DSCAM: variants seen among roughly 807,000 people sequenced by gnomAD.
DSCAM encodes DS cell adhesion molecule.
DSCAM carries 47 observed loss-of-function variants against 217.7 expected under a neutral mutation model. The observed-to-expected ratio is 0.22, with a 90% confidence interval of 0.17 to 0.28. The LOEUF (loss-of-function observed/expected upper bound fraction) is 0.28, where lower values mean the gene tolerates loss of function less well. DSCAM is among the 10% of genes least tolerant of loss of function. The pLI is 1.00. For missense variants in DSCAM, 2,080 were observed against 2,618.3 expected, an observed-to-expected ratio of 0.79 and a Z score of 4.49; for synonymous variants, 1,056 against 1,015.3, an observed-to-expected ratio of 1.04 and a Z score of -0.76.
intron 20 of DSCAM, among the ~76,000 whole-genome samples, chr21:40,121,679 G>GTTTTTT (rs1568951642): frequency 1.8e-4 from 14 of 76,696 alleles, no homozygotes; most frequent in Admixed American, 2.5e-4. Flanking sequence ...TCTCATTACT[G>GTTTTTT]TCTTTTTTTT....
intron 1 of DSCAM, among the ~76,000 whole-genome samples, chr21:40,724,650 A>C (rs2090935664): frequency 6.6e-6 from 1 of 152,254 alleles, no homozygotes; most frequent in Non-Finnish European, 1.5e-5. Context: ...TGATTAAAGA[A>C]GAAAATGAAT....
At chr21:40,566,193 C>T (rs1038513283) in intron 3 of DSCAM, among the ~76,000 whole-genome samples, 2 of 152,004 alleles carry the variant, frequency 1.3e-5, no homozygotes, top group African/African-American at 4.8e-5. Context: ...AGGGCAGAAG[C>T]TTTGGCACTG....
At chr21:40,195,132 C>T (rs1328655893) in intron 11 of DSCAM, among the ~76,000 whole-genome samples, 1 of 152,054 alleles carries the variant, frequency 6.6e-6, no homozygotes, top group African/African-American at 2.4e-5. Context: ...TACGTTTTGA[C>T]AAGTAATTCA....
rs201205635 is a variant in DSCAM, at chr21:40,037,378, A to C, written c.5686+4993T>G. The stretch of plus-strand genomic sequence containing the variant: ...GCATTCTTATACACCAATAACAGAC[A>C]AACAGAGAGCCAAATCATGAGTGAA... On this transcript the variant is annotated intron_variant, in intron 32 of 32. Coordinates refer to ENST00000400454, the MANE Select transcript of DSCAM (RefSeq NM_001389.5). 2.4e-3 allele frequency among the ~76,000 whole-genome samples: 347 copies of C among 144,814 alleles called. 3 individuals carry two copies. Among genetic ancestry groups the C allele is most frequent in the East Asian group, 0.022 (108 of 5,016 alleles).
intron 1 of DSCAM, among the ~76,000 whole-genome samples, chr21:40,719,786 G>C (rs2090881936): frequency 6.6e-6 from 1 of 152,118 alleles, no homozygotes; most frequent in African/African-American, 2.4e-5. Context: ...GTTTGCCCGT[G>C]GGGGTGGGGT....
At chr21:40,558,032 T>C (rs896612841) in intron 3 of DSCAM, among the ~76,000 whole-genome samples, 60 of 132,230 alleles carry the variant, frequency 4.5e-4, no homozygotes, top group African/African-American at 1.2e-3. Context: ...AAAGACCTTG[T>C]ATATTTGCAT....
chr21:40,785,235 A>C (rs1673098503), intron 1 of DSCAM, among the ~76,000 whole-genome samples: 1 of 152,212 alleles, frequency 6.6e-6, no homozygotes, highest in Non-Finnish European at 1.5e-5. Flanking sequence ...TCATTTGAGG[A>C]CCTCCTCAGT....
chr21:40,188,911 G>T, intron 12 of DSCAM, 131 bp downstream of exon 12: 1 of 887,070 alleles, frequency 1.1e-6, no homozygotes, highest in Non-Finnish European at 1.8e-6. Context: ...TGTGAAAGGG[G>T]AGAGAAATAG....
chr21:40,057,256 C>G (rs1469821990), intron 28 of DSCAM, among the ~76,000 whole-genome samples: 1 of 152,158 alleles, frequency 6.6e-6, no homozygotes, highest in Non-Finnish European at 1.5e-5. Context: ...TCTCCAAGCT[C>G]TTTCAAATTA....
At chr21:40,845,310 C>A (rs1270089560) in intron 1 of DSCAM, among the ~76,000 whole-genome samples, 1 of 152,134 alleles carries the variant, frequency 6.6e-6, no homozygotes, top group African/African-American at 2.4e-5. Context: ...TTTTCTTAGT[C>A]ACCGTTTTTT....
intron 3 of DSCAM, among the ~76,000 whole-genome samples, chr21:40,688,387 T>C (rs747661524): frequency 6.6e-6 from 1 of 152,172 alleles, no homozygotes; most frequent in African/African-American, 2.4e-5. Flanking sequence ...GCCGGTGTTA[T>C]TGTTTTTTTC....
At chr21:40,644,173 AG>A (rs1456929013) in intron 3 of DSCAM, among the ~76,000 whole-genome samples, 2 of 152,232 alleles carry the variant, frequency 1.3e-5, no homozygotes, top group African/African-American at 4.8e-5. Context: ...AGCACACAGC[AG>A]GTGCTTAATA....
At chr21:40,462,535 T>C (rs1458651280) in intron 3 of DSCAM, among the ~76,000 whole-genome samples, 1 of 152,026 alleles carries the variant, frequency 6.6e-6, no homozygotes, top group Non-Finnish European at 1.5e-5. Flanking sequence ...CACATCTTTG[T>C]TGCACCCAAG....
chr21:40,480,677 C>A (rs956649651), intron 3 of DSCAM, among the ~76,000 whole-genome samples: 1 of 152,124 alleles, frequency 6.6e-6, no homozygotes, highest in Non-Finnish European at 1.5e-5. Context: ...GAATGTAAGG[C>A]CTCGTGCTGG....
intron 1 of DSCAM, among the ~76,000 whole-genome samples, chr21:40,754,481 C>T (rs2091256965): frequency 6.6e-6 from 1 of 152,172 alleles, no homozygotes; most frequent in Non-Finnish European, 1.5e-5. Flanking sequence ...TATAGCAAGT[C>T]GCCACTATGA....
At chr21:40,166,233 T>C (rs534393301) in intron 16 of DSCAM, among the ~76,000 whole-genome samples, 1 of 152,198 alleles carries the variant, frequency 6.6e-6, no homozygotes, top group East Asian at 1.9e-4. Context: ...GAAGACCTTA[T>C]TGTAGTTGTT....
At chr21:40,117,351 T>A (rs910178258) in intron 20 of DSCAM, among the ~76,000 whole-genome samples, 8 of 152,142 alleles carry the variant, frequency 5.3e-5, no homozygotes, top group Non-Finnish European at 2.9e-5. Flanking sequence ...AGGTTGAAAG[T>A]CAGTGCTGGG....
In DSCAM at chr21:40,016,690, G is replaced by A. The variant is rs1466741532; in HGVS notation, c.5687-3304C>T. Among the ~76,000 whole-genome samples, 1 of 152,160 alleles carries A rather than the reference G, an allele frequency of 6.6e-6. No homozygotes were observed. The highest frequency in any genetic ancestry group is 1.9e-4 in the East Asian group (1 of 5,188). On this transcript the variant is annotated intron_variant, in intron 32 of 32. Coordinates refer to ENST00000400454, the MANE Select transcript of DSCAM (RefSeq NM_001389.5). This position sits in a 1 kb window ranked among gnomAD's most constrained non-coding sequence, Gnocchi z 4.3. ...TCTGAGACCACCTGAGCCAAGTGAG[G>A]GCTGCCATTAGCCAGCTGCTCTGCT...
chr21:40,167,220 T>G lies in DSCAM; in HGVS notation c.3016A>C (p.Lys1006Gln), dbSNP rs1199357886. The G allele has an allele frequency of 6.2e-7, 1 of 1,613,794 alleles. No individual in the cohort carries two copies. Among genetic ancestry groups the G allele is most frequent in the East Asian group, 2.2e-5 (1 of 44,840 alleles). ...ISSQSIRVTWKAPKKHLQNGI... is the reference protein window; with the variant it reads ...ISSQSIRVTWQAPKKHLQNGI... ...ATACAAATGTTTGCTGAGTTTACCTTCCATGTGACCCTGATGCTCTGAGAT... is the reference window on the plus strand; with the variant it reads ...ATACAAATGTTTGCTGAGTTTACCTGCCATGTGACCCTGATGCTCTGAGAT... The change falls in exon 16 of 33, where the codon AAG becomes CAG. Residue 1006 changes from lysine to glutamine, a missense_variant and splice_region_variant. This residue lies in a region of DSCAM where 1,144 missense variants were observed against 1,421.1 expected (regional missense o/e 0.81). Coordinates refer to ENST00000400454, the MANE Select transcript of DSCAM (RefSeq NM_001389.5).
Sources: allele counts gnomAD v4.1 joint callset (sites outside exome capture counted in the v4.1 genomes callset), GRCh38; gene constraint gnomAD v4.1.1; regional missense constraint gnomAD v4.1.1; non-coding constraint Gnocchi (gnomAD v3.1); transcripts MANE v1.5; gene names NCBI Gene and HGNC (gene_info 2026-07-23, HGNC 2026-07-21).